The following FOXO1 variants were observed in gnomAD, a reference collection of about 807,000 sequenced individuals.
FOXO1 encodes the protein forkhead box protein O1.
In FOXO1, 6 loss-of-function variants were observed where a neutral mutation model predicts 44.1. That is an observed-to-expected ratio of 0.14 (90% CI 0.07 to 0.27). The LOEUF (loss-of-function observed/expected upper bound fraction) is 0.27, where lower values mean the gene tolerates loss of function less well. Ranked by LOEUF, FOXO1 falls within the 10% of genes least tolerant of loss-of-function variation. The probability of loss-of-function intolerance (pLI) is 1.00; values close to 1 mark genes in which losing one functional copy is unlikely to be tolerated. For missense variants in FOXO1, 737 were observed against 888.8 expected (o/e 0.83, Z 2.17); for synonymous variants, 380 against 362.7 (o/e 1.05, Z -0.54).
At chr13:40,602,794 G>T (rs1875857293) in intron 1 of FOXO1, among the ~76,000 whole-genome samples, 1 of 152,144 alleles carries the variant, frequency 6.6e-6, no homozygotes, top group South Asian at 2.1e-4. Context: ...TTAGGTATAG[G>T]TTAGCAGCAA....
chr13:40,610,944 T>C (rs1876205594), intron 1 of FOXO1: 1 of 380,496 alleles, frequency 2.6e-6, no homozygotes, highest in Non-Finnish European at 5.3e-6. Flanking sequence ...CCAGTATTCA[T>C]TAAGGTTGCC....
chr13:40,620,368 T>C (rs564507243), intron 1 of FOXO1: 1 of 713,822 alleles, frequency 1.4e-6, no homozygotes, highest in African/African-American at 1.8e-5. Context: ...ATTTCTCGTT[T>C]AGAGCGGTCA....
chr13:40,572,574 T>G (rs930735310), intron 1 of FOXO1, among the ~76,000 whole-genome samples: 1 of 152,226 alleles, frequency 6.6e-6, no homozygotes, highest in African/African-American at 2.4e-5. Flanking sequence ...GGAAGCCTAA[T>G]GCAACAACGA....
At chr13:40,576,400 A>T (rs1359793415) in intron 1 of FOXO1, among the ~76,000 whole-genome samples, 5 of 152,232 alleles carry the variant, frequency 3.3e-5, no homozygotes, top group Admixed American at 3.3e-4. Context: ...CCTGGATGAT[A>T]GGAGGAGAGT....
chr13:40,636,517 CT>C lies in FOXO1; in HGVS notation c.630+29065del, dbSNP rs376651061. ...AGATCCCATTTCTATTTTTCAAAAA[CT>C]TTTTTTTTTTTTTTTTTTTGAGACA... On this transcript the variant is annotated intron_variant, in intron 1 of 2. Coordinates refer to ENST00000379561, the MANE Select transcript of FOXO1 (RefSeq NM_002015.4). 6.6e-3 allele frequency among the ~76,000 whole-genome samples: 810 copies of C among 121,924 alleles called. 1 individual carries two copies. The highest frequency in any genetic ancestry group is 9.0e-3 in the Middle Eastern group (2 of 222). The allele number at this position is 121,924 out of a possible 152,430, so 80.0% of individuals were successfully genotyped here.
intron 1 of FOXO1, among the ~76,000 whole-genome samples, chr13:40,597,695 A>T (rs1278144038): frequency 1.3e-5 from 2 of 152,172 alleles, no homozygotes; most frequent in African/African-American, 4.8e-5. Context: ...AGTAATGGTC[A>T]GCCTTGGAAC....
intron 1 of FOXO1, among the ~76,000 whole-genome samples, chr13:40,589,881 G>A (rs1875304318): frequency 6.6e-6 from 1 of 152,086 alleles, no homozygotes; most frequent in African/African-American, 2.4e-5. Flanking sequence ...AAGCATGACT[G>A]GACAAGACCA....
intron 1 of FOXO1, among the ~76,000 whole-genome samples, chr13:40,639,296 G>A (rs1877272125): frequency 6.6e-6 from 1 of 152,182 alleles, no homozygotes; most frequent in Non-Finnish European, 1.5e-5. Flanking sequence ...TCTCTTCAGA[G>A]GTCACAAGCC....
intron 1 of FOXO1, among the ~76,000 whole-genome samples, chr13:40,562,959 G>T (rs573844960): frequency 6.6e-6 from 1 of 152,358 alleles, no homozygotes; most frequent in South Asian, 2.1e-4. Context: ...TGTTCATTCA[G>T]CAGCCTCTTT....
At chr13:40,592,190 T>A (rs1875400309) in intron 1 of FOXO1, among the ~76,000 whole-genome samples, 1 of 152,124 alleles carries the variant, frequency 6.6e-6, no homozygotes, top group South Asian at 2.1e-4. Flanking sequence ...GAATGTGCAA[T>A]CCCCATCTTA....
chr13:40,621,314 GC>G (rs1368346394), intron 1 of FOXO1: 1 of 684,548 alleles, frequency 1.5e-6, no homozygotes, highest in Non-Finnish European at 2.2e-6. Context: ...TCTGTCAGCA[GC>G]CTGTTTTAGG....
intron 1 of FOXO1, among the ~76,000 whole-genome samples, chr13:40,617,819 T>C (rs1213691187): frequency 6.6e-6 from 1 of 152,212 alleles, no homozygotes; most frequent in Admixed American, 6.5e-5. Context: ...AATGAAAGCA[T>C]TAAGTGTTCT....
intron 1 of FOXO1, among the ~76,000 whole-genome samples, chr13:40,665,124 CCCCTCGCCGCGCCCT>C (rs1033295561): frequency 2.6e-5 from 4 of 151,750 alleles, no homozygotes; most frequent in African/African-American, 9.7e-5. Context: ...GGCTCCGGGG[CCCCTCGCCGCGCCCT>C]CCCCCGCCGC....
intron 1 of FOXO1, among the ~76,000 whole-genome samples, chr13:40,574,522 G>A (rs572491026): frequency 6.6e-6 from 1 of 152,294 alleles, no homozygotes; most frequent in South Asian, 2.1e-4. Context: ...TGATATTCTA[G>A]AACAAAATGC....
At chr13:40,583,683 G>A (rs561439195) in intron 1 of FOXO1, among the ~76,000 whole-genome samples, 8 of 152,090 alleles carry the variant, frequency 5.3e-5, no homozygotes, top group Non-Finnish European at 8.8e-5. Flanking sequence ...TAAGAGTTAC[G>A]GCCTTGCTCT....
intron 1 of FOXO1, among the ~76,000 whole-genome samples, chr13:40,575,938 TGACA>T (rs1311581068): frequency 6.6e-6 from 1 of 152,196 alleles, no homozygotes; most frequent in Admixed American, 6.5e-5. Flanking sequence ...GAACCAATGT[TGACA>T]GACAAACTAT....
intron 1 of FOXO1, among the ~76,000 whole-genome samples, chr13:40,641,281 TGAGCCAC>T (rs1436133266): frequency 2.0e-5 from 3 of 152,162 alleles, no homozygotes; most frequent in Non-Finnish European, 4.4e-5. Context: ...CACCACACCC[TGAGCCAC>T]GACAGGGTTA....
intron 1 of FOXO1, among the ~76,000 whole-genome samples, chr13:40,638,171 A>G (rs934699923): frequency 5.3e-5 from 8 of 152,210 alleles, no homozygotes; most frequent in Admixed American, 5.2e-4. Context: ...TAGGAACAGC[A>G]AGGATTGGTT....
chr13:40,595,300 A>T (rs1875534458), intron 1 of FOXO1, among the ~76,000 whole-genome samples: 1 of 152,194 alleles, frequency 6.6e-6, no homozygotes, highest in Admixed American at 6.5e-5. Flanking sequence ...CCTAACCAGT[A>T]AGTTGGAGGG....
Sources: allele counts gnomAD v4.1 joint callset (sites outside exome capture counted in the v4.1 genomes callset), GRCh38; gene constraint gnomAD v4.1.1; transcripts MANE v1.5; gene names NCBI Gene and HGNC (gene_info 2026-07-23, HGNC 2026-07-21).